ATL3: variants seen among roughly 807,000 people sequenced by gnomAD.
ATL3 encodes atlastin GTPase 3.
A neutral mutation model predicts 69.5 loss-of-function variants in ATL3; 49 were observed. The observed-to-expected ratio is 0.71, with a 90% CI of 0.56 to 0.89. ATL3 has a LOEUF of 0.89. Among genes scored for constraint, ATL3 ranks in the 40% least tolerant of loss-of-function variants. ATL3 has a pLI of 0.00. For synonymous variants in ATL3, 214 were observed against 224.1 expected (o/e 0.95, Z 0.40); for missense variants, 606 against 645.7 (o/e 0.94, Z 0.67).
At chr11:63,652,410 G>A (rs1940105235) in intron 4 of ATL3, 61 bp downstream of exon 4, 2 of 1,075,832 alleles carry the variant, frequency 1.9e-6, no homozygotes, top group Non-Finnish European at 1.3e-6. Context: ...AACCAAAACT[G>A]TATTTCCTCC....
intron 1 of ATL3, among the ~76,000 whole-genome samples, chr11:63,663,105 C>T (rs58033364): frequency 0.013 from 2,047 of 151,850 alleles, 51 homozygotes; most frequent in African/African-American, 0.046. Flanking sequence ...CAGATAGCAA[C>T]AGAAGGGTTC....
intron 1 of ATL3, among the ~76,000 whole-genome samples, chr11:63,670,925 G>A (rs932321896): frequency 5.3e-5 from 8 of 152,110 alleles, no homozygotes; most frequent in African/African-American, 1.9e-4. Context: ...TGCCCAGGGC[G>A]GGGCTCGGCG....
intron 1 of ATL3, among the ~76,000 whole-genome samples, chr11:63,662,800 G>T (rs1243340976): frequency 6.6e-6 from 1 of 152,148 alleles, no homozygotes; most frequent in Non-Finnish European, 1.5e-5. Context: ...GTCGACTTAA[G>T]GAGACATATT....
At chr11:63,671,216 G>C (rs998972074) in intron 1 of ATL3, 74 bp downstream of exon 1, 2 of 1,481,668 alleles carry the variant, frequency 1.3e-6, no homozygotes, top group Non-Finnish European at 1.8e-6. Flanking sequence ...GCGGGCGGGG[G>C]TTCTTTTCAG....
At chr11:63,648,817 A>G (rs1236042298) in intron 5 of ATL3, among the ~76,000 whole-genome samples, 2 of 151,278 alleles carry the variant, frequency 1.3e-5, no homozygotes, top group East Asian at 1.9e-4. Flanking sequence ...TCTAAAAAAA[A>G]AAAGCAAAAA....
chr11:63,640,313 G>A (rs1482153014), intron 8 of ATL3, among the ~76,000 whole-genome samples: 1 of 151,890 alleles, frequency 6.6e-6, no homozygotes, highest in Non-Finnish European at 1.5e-5. Flanking sequence ...TTTGAGACAG[G>A]GTCTCACTCT....
chr11:63,666,240 C>T (rs564054705), intron 1 of ATL3, among the ~76,000 whole-genome samples: 1 of 152,084 alleles, frequency 6.6e-6, no homozygotes, highest in Non-Finnish European at 1.5e-5. Context: ...CGTTTCACCA[C>T]CTTGGCCAGG....
rs544722523 is a variant in ATL3 at position 63,654,960 on chromosome 11, A to T, written c.406-2385T>A. Among the ~76,000 whole-genome samples, 84 of 149,086 alleles carry T rather than the reference A, an allele frequency of 5.6e-4. No homozygotes were observed. In the Middle Eastern group the frequency reaches 0.018, roughly 31 times the overall value. ...CTGTGTTAGTTCTGAGACAGTTTTG[A>T]TTGATTTTTCTCCTCATTTGGGTTA... On this transcript the variant is annotated intron_variant, in intron 3 of 12. Coordinates refer to ENST00000398868, the MANE Select transcript of ATL3 (RefSeq NM_015459.5).
At chr11:63,656,546 C>T (rs978623111) in intron 3 of ATL3, among the ~76,000 whole-genome samples, 1 of 151,272 alleles carries the variant, frequency 6.6e-6, no homozygotes, top group South Asian at 2.1e-4. Flanking sequence ...CCAGCCTGAC[C>T]AATATGGCGA....
At chr11:63,667,788 T>C (rs903772571) in intron 1 of ATL3, among the ~76,000 whole-genome samples, 6 of 148,376 alleles carry the variant, frequency 4.0e-5, no homozygotes, top group Non-Finnish European at 8.9e-5. Context: ...AAAATGACAG[T>C]GTAGACTAGG....
chr11:63,658,662 T>C (rs1051259023), intron 3 of ATL3, 99 bp downstream of exon 3: 1 of 1,302,468 alleles, frequency 7.7e-7, no homozygotes, highest in Non-Finnish European at 1.0e-6. Context: ...CATTTTAAAT[T>C]CTTTGATAAA....
chr11:63,642,549 T>G (rs61928166), intron 8 of ATL3, among the ~76,000 whole-genome samples: 16,558 of 152,208 alleles, frequency 0.11, 1,056 homozygotes, highest in Middle Eastern at 0.17. Flanking sequence ...CCAGTATGGG[T>G]TTGGAGCAAC....
chr11:63,635,374 C>T (rs1042773797), intron 10 of ATL3, among the ~76,000 whole-genome samples, 160 bp downstream of exon 10: 1 of 149,242 alleles, frequency 6.7e-6, no homozygotes, highest in East Asian at 2.2e-4. Context: ...TAGAAAAGGT[C>T]GCCACACTAC....
chr11:63,654,642 C>A (rs1316297306), intron 3 of ATL3, among the ~76,000 whole-genome samples: 1 of 151,810 alleles, frequency 6.6e-6, no homozygotes, highest in East Asian at 1.9e-4. Flanking sequence ...AGATGATCCA[C>A]CCACCTCGGC....
chr11:63,665,626 G>A (rs556158309), intron 1 of ATL3, among the ~76,000 whole-genome samples: 11 of 152,154 alleles, frequency 7.2e-5, no homozygotes, highest in Admixed American at 2.0e-4. Context: ...GGGAGGTCTC[G>A]CCTATAATCC....
In ATL3 at chr11:63,635,591, C is replaced by T; in HGVS notation, c.979-1G>A. 6.3e-7 allele frequency: 1 copy of T among 1,596,504 alleles called. No homozygotes were observed. Among genetic ancestry groups the T allele is most frequent in the Non-Finnish European group, 8.6e-7 (1 of 1,164,846 alleles). On this transcript the variant is annotated splice_acceptor_variant, in intron 9 of 12. Coordinates refer to ENST00000398868, the MANE Select transcript of ATL3 (RefSeq NM_015459.5). LOFTEE classifies it high-confidence loss of function. ...CTCCTTGATAAATTTTAATATATGC[C>T]TTAAAATATAAACATAAAAACTGCT...
At position 63,648,015 on chromosome 11, in the gene ATL3, G is replaced by T. The variant is rs117861083; in HGVS notation, c.562-1452C>A. Among the ~76,000 whole-genome samples, 6 of 152,204 alleles carry T rather than the reference G, an allele frequency of 3.9e-5. No individual in the cohort carries two copies. The East Asian group carries it at 1.2e-3, about 29-fold the overall frequency. The stretch of plus-strand genomic sequence containing the variant: ...GTGTAGGAGTCCAGCTGACAACTAG[G>T]AAATATGTGAGTCTTAGGAGAAAGT... On this transcript the variant is annotated intron_variant, in intron 5 of 12. Transcript: ENST00000398868.
chr11:63,630,787 C>A (rs538188968), intron 12 of ATL3, among the ~76,000 whole-genome samples: 1 of 118,558 alleles, frequency 8.4e-6, no homozygotes, highest in Non-Finnish European at 1.7e-5. Flanking sequence ...GAGAGCACAG[C>A]GAGACTTTGT....
intron 3 of ATL3, among the ~76,000 whole-genome samples, chr11:63,654,310 C>G (rs1226506916): frequency 6.6e-6 from 1 of 151,814 alleles, no homozygotes; most frequent in South Asian, 2.1e-4. Flanking sequence ...CCACGCCCAG[C>G]TAATTTTTGT....
Sources: gnomAD v4.1 joint callset for allele counts (sites outside exome capture counted in the v4.1 genomes callset) on GRCh38, gnomAD v4.1.1 for gene constraint, MANE v1.5 for transcripts, NCBI Gene and HGNC (gene_info 2026-07-23, HGNC 2026-07-21) for gene names.